MAD2L2: variants seen among roughly 807,000 people sequenced by gnomAD.
The protein encoded by MAD2L2 is mitotic arrest deficient 2 like 2, also known as mitotic spindle assembly checkpoint protein MAD2B.
Under a neutral mutation model 30.5 loss-of-function variants are expected in MAD2L2, and 17 were observed. The ratio of observed to expected loss-of-function variants is 0.56; its 90% CI spans 0.38 to 0.84. The LOEUF (loss-of-function observed/expected upper bound fraction) is 0.84, where lower values mean the gene tolerates loss of function less well. Ranked by LOEUF, MAD2L2 falls within the 40% of genes least tolerant of loss-of-function variation. The pLI is 0.00. For synonymous variants in MAD2L2, 101 were observed against 113.9 expected, an observed-to-expected ratio of 0.89 and a Z score of 0.72; for missense variants, 213 against 277.4, an observed-to-expected ratio of 0.77 and a Z score of 1.65.
exon 1 of MAD2L2, chr1:11,691,603 T>C (rs1641069151): frequency 6.6e-6 from 1 of 150,716 alleles, no homozygotes; most frequent in East Asian, 2.0e-4. Flanking sequence ...GCCCCGGGGC[T>C]GCCCCTCGGC....
chr1:11,679,566 G>A (rs181447505), intron 3 of MAD2L2, among the ~76,000 whole-genome samples: 3 of 148,620 alleles, frequency 2.0e-5, no homozygotes, highest in Non-Finnish European at 2.9e-5. Flanking sequence ...TTGCTCTGTC[G>A]CCCAGGCTGG....
At chr1:11,689,900 A>C (rs6658345) in intron 1 of MAD2L2, among the ~76,000 whole-genome samples, 59,241 of 151,316 alleles carry the variant, frequency 0.39, 13,609 homozygotes, top group African/African-American at 0.66. Flanking sequence ...TCTGTTCCAG[A>C]CTGACTCTTC....
chr1:11,675,942 G>A (rs770005189), intron 6 of MAD2L2, 104 bp downstream of exon 6: 12 of 1,021,228 alleles, frequency 1.2e-5, no homozygotes, highest in Middle Eastern at 2.0e-4. Flanking sequence ...TCAGGGTTAG[G>A]AAGAGATGAG....
chr1:11,683,247 A>AACACAAT (rs1380036337), upstream of MAD2L2, among the ~76,000 whole-genome samples: 1 of 152,164 alleles, frequency 6.6e-6, no homozygotes, highest in Non-Finnish European at 1.5e-5. Context: ...GCCCTGAGAA[A>AACACAAT]ACACAATACG....
rs375392296 is a variant in MAD2L2 at position 11,680,899 on chromosome 1, G to A, written c.-13+140C>T. On this transcript the variant is annotated intron_variant, in intron 1 of 8. Transcript: ENST00000376692. ...AAAAGGGCAGGGCCGCGGACGCAGA[G>A]GGAAACAGCGGGATGCCCAGGGCCG... 48 of 632,216 alleles carry A rather than the reference G, an allele frequency of 7.6e-5. 3 individuals are homozygous for A. The highest frequency in any genetic ancestry group is 1.9e-4 in the East Asian group (4 of 21,492). The allele number at this position is 632,216 out of a possible 1,614,324, so 39.2% of individuals were successfully genotyped here. A position where few individuals can be genotyped will look rare whatever the true frequency, so the allele number is the denominator to read the frequency against.
intron 4 of MAD2L2, chr1:11,677,296 C>A (rs1006308817): frequency 3.4e-6 from 2 of 596,064 alleles, no homozygotes; most frequent in Admixed American, 3.0e-5. Flanking sequence ...TCTGGGGCAG[C>A]CCCTACTTAG....
At position 11,678,660 on chromosome 1, in the gene MAD2L2, AAAG is replaced by A. The variant is rs28924103; in HGVS notation, c.160-1049_160-1047del. Among the ~76,000 whole-genome samples the A allele has an allele frequency of 2.6e-5, 4 of 152,332 alleles. No individual in the cohort carries two copies. The East Asian group carries it at 5.8e-4, about 22-fold the overall frequency. On this transcript the variant is annotated intron_variant, in intron 3 of 8. Coordinates refer to ENST00000376692, the MANE Select transcript of MAD2L2 (RefSeq NM_006341.4). ...CTCTGGGCTTCAATCACTTCATCAT[AAAG>A]AAGAAGTGAGTAAATGTCAATTGTT...
upstream of MAD2L2, among the ~76,000 whole-genome samples, chr1:11,685,190 C>T (rs1640937848): frequency 6.6e-6 from 1 of 152,152 alleles, no homozygotes; most frequent in South Asian, 2.1e-4. Context: ...CTCACCCTCG[C>T]AAAATGCTGA....
chr1:11,685,307 G>A (rs892869341), upstream of MAD2L2, among the ~76,000 whole-genome samples: 3 of 152,184 alleles, frequency 2.0e-5, no homozygotes, highest in African/African-American at 7.2e-5. Context: ...AGTGATGGTG[G>A]ACAGTGGCTC....
chr1:11,675,514 G>A (rs1264948554), intron 7 of MAD2L2, 144 bp downstream of exon 7: 3 of 808,922 alleles, frequency 3.7e-6, no homozygotes, highest in Non-Finnish European at 4.2e-6. Context: ...TGGAGCAGTG[G>A]ACAGGCCTGA....
At position 11,687,591 on chromosome 1, in the gene MAD2L2, GTC is replaced by G. The variant is rs2100720449; in HGVS notation, c.-692+3820_-692+3821del. Among the ~76,000 whole-genome samples the G allele has an allele frequency of 6.6e-6, 1 of 152,188 alleles. No homozygotes were observed. The highest frequency in any genetic ancestry group is 2.1e-4 in the South Asian group (1 of 4,814). On this transcript the variant is annotated intron_variant, in intron 1 of 10. Coordinates refer to the MAD2L2 transcript ENST00000235310. This position sits in a 1 kb window ranked among gnomAD's most constrained non-coding sequence, Gnocchi z 4.1. ...GGGGTCTCACTATGTTGCCAGGCTGGTCTCCAACTCCTGGCTTCAAGAGGTCC... is the reference window on the plus strand; with the variant it reads ...GGGGTCTCACTATGTTGCCAGGCTGGTCCAACTCCTGGCTTCAAGAGGTCC...
At position 11,674,741 on chromosome 1, in the gene MAD2L2, C is replaced by T. The variant is rs965844239; in HGVS notation, c.*34G>A. ...TAGGCGGGGATCCCCCAAAGTCTGA[C>T]AGTTTGGGCATCAGTGGGGTGGCAG... On this transcript the variant is annotated 3_prime_UTR_variant, in exon 9 of 9. Transcript: ENST00000376692. This position sits in a 1 kb window ranked among gnomAD's most constrained non-coding sequence, Gnocchi z 6.1. 1.1e-5 allele frequency: 18 copies of T among 1,610,736 alleles called. No individual in the cohort carries two copies. Among genetic ancestry groups the T allele is most frequent in the Non-Finnish European group, 1.5e-5 (18 of 1,177,690 alleles).
Position 11,688,451 on chromosome 1 carries a change from C to T in MAD2L2, c.-692+2962G>A, listed in dbSNP as rs1199810194. Among the ~76,000 whole-genome samples, 2 of 152,074 alleles carry T rather than the reference C, an allele frequency of 1.3e-5. No homozygotes were observed. The highest frequency in any genetic ancestry group is 2.9e-5 in the Non-Finnish European group (2 of 68,020). On this transcript the variant is annotated intron_variant, in intron 1 of 10. Transcript: ENST00000235310. This position sits in a 1 kb window ranked among gnomAD's most constrained non-coding sequence, Gnocchi z 4.6. Reference sequence around the variant, plus strand: ...TGGCAGGTGCCTGTAGTCACAGCTACTCAGGAAGCTGAGGCAGGCGAATCG... The same window carrying T: ...TGGCAGGTGCCTGTAGTCACAGCTATTCAGGAAGCTGAGGCAGGCGAATCG...
chr1:11,686,951 C>T (rs1048992476), intron 1 of MAD2L2, among the ~76,000 whole-genome samples: 2 of 152,024 alleles, frequency 1.3e-5, no homozygotes, highest in African/African-American at 4.8e-5. Context: ...GGAACATTTT[C>T]ATCACTCCTG....
chr1:11,675,061 C>G (rs369635730), intron 8 of MAD2L2, 21 bp downstream of exon 8: 4 of 1,555,536 alleles, frequency 2.6e-6, no homozygotes, highest in Admixed American at 1.9e-5. Flanking sequence ...ATAAAGCTTC[C>G]CGGGTCCCCA....
rs1641040754 is a variant in MAD2L2 at position 11,690,519 on chromosome 1, A to G, written c.-692+894T>C. Among the ~76,000 whole-genome samples the G allele has an allele frequency of 3.9e-5, 6 of 152,238 alleles. No individual in the cohort carries two copies. On this transcript the variant is annotated intron_variant, in intron 1 of 10. Transcript: ENST00000235310. This position sits in a 1 kb window ranked among gnomAD's most constrained non-coding sequence, Gnocchi z 4.2. ...GAGGTCAGGCGACTTGCTCGAGGTC[A>G]TAGGGGACGGCATCAGAAGAGGAAC... is the stretch of plus-strand genomic sequence containing the variant.
At chr1:11,676,755 A>C (rs1005950724) in intron 5 of MAD2L2, 93 bp downstream of exon 5, 77 of 958,904 alleles carry the variant, frequency 8.0e-5, no homozygotes, top group Non-Finnish European at 1.3e-4. Context: ...CCAGGCCTTT[A>C]CCAAGGTATT....
Position 11,688,770 on chromosome 1 carries a change from ATGGCTAAGGCATTCTAAGTCACAG to A in MAD2L2, c.-692+2619_-692+2642del, listed in dbSNP as rs1435607286. On this transcript the variant is annotated intron_variant, in intron 1 of 10. Coordinates refer to the MAD2L2 transcript ENST00000235310. This position sits in a 1 kb window ranked among gnomAD's most constrained non-coding sequence, Gnocchi z 4.6. ...GGGACTTGCTGGGCCATATTCCCAG[ATGGCTAAGGCATTCTAAGTCACAG>A]TATGAGACAGGAGATCAGCACAAGA... 6.6e-6 allele frequency among the ~76,000 whole-genome samples: 1 copy of A among 152,156 alleles called. No individual in the cohort carries two copies. The highest frequency in any genetic ancestry group is 2.4e-5 in the African/African-American group (1 of 41,446).
At chr1:11,680,943 T>G (rs893725107) in intron 1 of MAD2L2, 96 bp downstream of exon 1, 8 of 301,306 alleles carry the variant, frequency 2.7e-5, no homozygotes, top group Middle Eastern at 1.1e-3. Context: ...AAGCGGGACA[T>G]GCGGAAAGCG....
Sources: gnomAD v4.1 joint callset for allele counts (sites outside exome capture counted in the v4.1 genomes callset) on GRCh38, gnomAD v4.1.1 for gene constraint, Gnocchi (gnomAD v3.1) non-coding constraint, MANE v1.5 for transcripts, NCBI Gene and HGNC (gene_info 2026-07-23, HGNC 2026-07-21) for gene names.